CIZ1: variants seen among roughly 807,000 people sequenced by gnomAD.
CIZ1 encodes the protein cip1-interacting zinc finger protein.
CIZ1 carries 58 observed loss-of-function variants against 118.6 expected under a neutral mutation model. The ratio of observed to expected loss-of-function variants is 0.49; its 90% confidence interval spans 0.40 to 0.61. The LOEUF (loss-of-function observed/expected upper bound fraction) is 0.61, where lower values mean the gene tolerates loss of function less well. CIZ1 is among the 20% of genes least tolerant of loss of function. CIZ1 has a pLI of 0.00. For synonymous variants in CIZ1, 448 were observed against 443.4 expected, an observed-to-expected ratio of 1.01 and a Z score of -0.13; for missense variants, 921 against 1,115.9, an observed-to-expected ratio of 0.83 and a Z score of 2.49.
chr9:128,169,133 AC>A lies in CIZ1; in HGVS notation c.2213del (p.Gly738ValfsTer29). On this transcript the variant is annotated frameshift_variant, in exon 14 of 17. Transcript: ENST00000372938. LOFTEE classifies it high-confidence loss of function. Reference sequence around the variant, plus strand: ...CCTCTTCTTCATCACCCTCGAAGCAACCCACAGCGTCCACTGTAATGAAGTG... The same window carrying A: ...CCTCTTCTTCATCACCCTCGAAGCAACCACAGCGTCCACTGTAATGAAGTG... ...EDHFITVDAV[G>X]CFEGDEEEEE... 1 of 1,614,078 alleles carries A rather than the reference AC, an allele frequency of 6.2e-7. No homozygotes were observed. The highest frequency in any genetic ancestry group is 1.1e-5 in the South Asian group (1 of 91,072).
At chr9:128,188,855 G>A (rs1055502484) in intron 3 of CIZ1, among the ~76,000 whole-genome samples, 3 of 151,456 alleles carry the variant, frequency 2.0e-5, no homozygotes, top group African/African-American at 7.3e-5. Context: ...CTGGAGTACG[G>A]TGGCGCGATC....
intron 11 of CIZ1, among the ~76,000 whole-genome samples, chr9:128,171,869 G>T (rs1201491862): frequency 6.6e-6 from 1 of 152,006 alleles, no homozygotes; most frequent in East Asian, 1.9e-4. Context: ...AAAACTGATA[G>T]ATCCGATTGC....
chr9:128,201,131 G>A (rs1050798185), intron 1 of CIZ1, among the ~76,000 whole-genome samples: 1 of 151,784 alleles, frequency 6.6e-6, no homozygotes, highest in South Asian at 2.1e-4. Flanking sequence ...AGCCGGGCGT[G>A]GTGGCACGAG....
intron 1 of CIZ1, chr9:128,202,876 G>A (rs1833574852): frequency 6.6e-6 from 1 of 152,198 alleles, no homozygotes; most frequent in African/African-American, 2.4e-5. Flanking sequence ...GCTTCTAGCA[G>A]GTACCTAGTA....
In CIZ1 at chr9:128,191,039, T is replaced by C. The variant is rs546821705; in HGVS notation, c.-5-177A>G. On this transcript the variant is annotated intron_variant, in intron 1 of 16. Coordinates refer to ENST00000372938, the MANE Select transcript of CIZ1 (RefSeq NM_001131016.2). This position sits in a 1 kb window ranked among gnomAD's most constrained non-coding sequence, Gnocchi z 5.5. ...ACTCGCTTGGCCCATCCTTCCAAGTTACCTCCAGTCCTGCTAGGGGCAAGA... is the reference window on the plus strand; with the variant it reads ...ACTCGCTTGGCCCATCCTTCCAAGTCACCTCCAGTCCTGCTAGGGGCAAGA... 6.6e-6 allele frequency among the ~76,000 whole-genome samples: 1 copy of C among 152,012 alleles called. No homozygotes were observed. The highest frequency in any genetic ancestry group is 2.4e-5 in the African/African-American group (1 of 41,452).
chr9:128,192,169 C>G (rs1008833036), upstream of CIZ1, among the ~76,000 whole-genome samples: 1 of 152,076 alleles, frequency 6.6e-6, no homozygotes, highest in South Asian at 2.1e-4. Context: ...GCTGGAGGAT[C>G]AAGACCAGCC....
chr9:128,194,635 A>T (rs1833332456), upstream of CIZ1, among the ~76,000 whole-genome samples: 1 of 151,832 alleles, frequency 6.6e-6, no homozygotes, highest in Non-Finnish European at 1.5e-5. Flanking sequence ...TGGCCAACAT[A>T]GTGAAACCCC....
chr9:128,199,276 G>A (rs10987923), intron 1 of CIZ1, among the ~76,000 whole-genome samples: 46,965 of 151,838 alleles, frequency 0.31, 7,717 homozygotes, highest in African/African-American at 0.36. Context: ...GCTGAAGCAG[G>A]AGAATTGCTT....
rs1833651316 is a variant in CIZ1 at position 128,203,771 on chromosome 9, G to T, written c.-6+415C>A. The T allele has an allele frequency of 1.5e-5, 11 of 728,966 alleles. No homozygotes were observed. The South Asian group carries it at 5.5e-4, about 36-fold the overall frequency. The allele number at this position is 728,966 out of a possible 1,614,324, so 45.2% of individuals were successfully genotyped here. ...GGCGCGCCCCCCACCCCCAGCCGGAGCGAGGAGGCCCTCCCCCCACCACGA... is the reference window on the plus strand; with the variant it reads ...GGCGCGCCCCCCACCCCCAGCCGGATCGAGGAGGCCCTCCCCCCACCACGA... On this transcript the variant is annotated intron_variant, in intron 1 of 17. Coordinates refer to the CIZ1 transcript ENST00000372948. This position sits in a 1 kb window ranked among gnomAD's most constrained non-coding sequence, Gnocchi z 5.3.
At chr9:128,168,021 C>G (rs1299752460) in intron 14 of CIZ1, among the ~76,000 whole-genome samples, 1 of 152,214 alleles carries the variant, frequency 6.6e-6, no homozygotes, top group African/African-American at 2.4e-5. Context: ...GCAGGCCCCC[C>G]CACCACAACG....
intron 11 of CIZ1, among the ~76,000 whole-genome samples, chr9:128,171,048 C>A (rs1800774869): frequency 6.6e-6 from 1 of 152,046 alleles, no homozygotes; most frequent in Non-Finnish European, 1.5e-5. Flanking sequence ...ATTGCTTGAG[C>A]CCAGGAGGTC....
In CIZ1 at chr9:128,179,374, T is replaced by C. The variant is rs1831272703; in HGVS notation, c.833A>G (p.Gln278Arg). The change falls in exon 8 of 17, where the codon CAG (glutamine) becomes CGG (arginine). Residue 278 changes from glutamine to arginine, a missense_variant. Physicochemically the swap from Gln to Arg is conservative, Grantham distance 43. Transcript: ENST00000372938. ...CCGGGCCTGCGGCTGGGCCTTCACC[T>C]GTAACTGCCCTGGAGGTTCCTTCTC... ...PTEKEPPGQL[Q>R]VKAQPQARMT... is the part of the protein sequence containing the mutation. The C allele has an allele frequency of 1.2e-6, 2 of 1,612,478 alleles. No homozygotes were observed. Among genetic ancestry groups the C allele is most frequent in the Non-Finnish European group, 1.7e-6 (2 of 1,179,316 alleles).
chr9:128,174,661 A>C (rs951621350), intron 11 of CIZ1, among the ~76,000 whole-genome samples: 1 of 151,656 alleles, frequency 6.6e-6, no homozygotes, highest in African/African-American at 2.4e-5. Flanking sequence ...GGACTTTTTA[A>C]ATTTTTGTTG....
Position 128,179,358 on chromosome 9 carries a change from C to T in CIZ1, c.849G>A (p.Pro283=), listed in dbSNP as rs370276550. 63 of 1,613,540 alleles carry T rather than the reference C, an allele frequency of 3.9e-5. No homozygotes were observed. Among genetic ancestry groups the T allele is most frequent in the Middle Eastern group, 3.3e-4 (2 of 6,084 alleles). Residue 283 remains proline, a synonymous_variant, in exon 8 of 17, where the codon CCG becomes CCA. Coordinates refer to ENST00000372938, the MANE Select transcript of CIZ1 (RefSeq NM_001131016.2). ...PPGQLQVKAQ[P]QARMTVPKQT... ...GTTTCGGTACTGTCATCCGGGCCTG[C>T]GGCTGGGCCTTCACCTGTAACTGCC...
At position 128,166,632 on chromosome 9, in the gene CIZ1, T is replaced by A. The variant is rs549656669; in HGVS notation, c.2487+127A>T. 7 of 1,241,940 alleles carry A rather than the reference T, an allele frequency of 5.6e-6. No individual in the cohort carries two copies. The South Asian group carries it at 9.3e-5, about 17-fold the overall frequency. 76.9% of individuals were successfully genotyped at this position (1,241,940 alleles called of 1,614,324 possible). A position where few individuals can be genotyped will look rare whatever the true frequency, so the allele number is the denominator to read the frequency against. The stretch of plus-strand genomic sequence containing the variant: ...ACCCCAGCTCTAATTCTCTCCCTGT[T>A]GGTGCAGGGGTGGTGCCTGGGGATT... On this transcript the variant is annotated intron_variant, in intron 16 of 16. Coordinates refer to ENST00000372938, the MANE Select transcript of CIZ1 (RefSeq NM_001131016.2). The surrounding 1 kb of genome is among the most constrained non-coding windows in gnomAD (Gnocchi z 4.4).
intron 11 of CIZ1, among the ~76,000 whole-genome samples, chr9:128,172,716 CAAG>C (rs1357085103): frequency 6.6e-6 from 1 of 152,082 alleles, no homozygotes; most frequent in Non-Finnish European, 1.5e-5. Flanking sequence ...GAAAGGATCA[CAAG>C]AAGAACTAGG....
intron 1 of CIZ1, among the ~76,000 whole-genome samples, chr9:128,199,056 G>C (rs1392144921): frequency 1.3e-5 from 2 of 151,646 alleles, no homozygotes; most frequent in African/African-American, 4.9e-5. Context: ...TTTCTCATCT[G>C]TCAAAGGAGG....
chr9:128,200,056 T>G (rs1833475170), intron 1 of CIZ1: 1 of 152,056 alleles, frequency 6.6e-6, no homozygotes, highest in Admixed American at 6.6e-5. Context: ...CCTAAAGTGC[T>G]GGGATTACAG....
intron 7 of CIZ1, 85 bp downstream of exon 7, chr9:128,180,329 AC>A: frequency 2.1e-6 from 2 of 956,284 alleles, no homozygotes; most frequent in South Asian, 1.4e-5. Context: ...TGAATGGTGC[AC>A]CCCCTCTGCC....
Sources: gnomAD v4.1 joint callset for allele counts (sites outside exome capture counted in the v4.1 genomes callset) on GRCh38, gnomAD v4.1.1 for gene constraint, Gnocchi (gnomAD v3.1) non-coding constraint, MANE v1.5 for transcripts, NCBI Gene and HGNC (gene_info 2026-07-23, HGNC 2026-07-21) for gene names.